Variants in NOL8 observed in about 807,000 individuals in gnomAD.
NOL8 encodes nucleolar protein 8, also known as nucleolar protein Nop132.
In NOL8, 93 loss-of-function variants were observed where a neutral mutation model predicts 116.1. That is an observed-to-expected ratio of 0.80 (90% confidence interval 0.68 to 0.95). NOL8 has a LOEUF of 0.95. NOL8 is among the 40% of genes least tolerant of loss of function. The pLI is 0.00. For synonymous variants in NOL8, 419 were observed against 469.0 expected, an observed-to-expected ratio of 0.89 and a Z score of 1.38; for missense variants, 1,291 against 1,382.8, an observed-to-expected ratio of 0.93 and a Z score of 1.05.
rs966937693 is a variant in NOL8 at position 92,306,781 on chromosome 9, G to C, written c.2825+105C>G. 6 of 1,037,594 alleles carry C rather than the reference G, an allele frequency of 5.8e-6. No individual in the cohort carries two copies. In the South Asian group the frequency reaches 8.5e-5, roughly 15 times the overall value. 64.3% of individuals were successfully genotyped at this position (1,037,594 alleles called of 1,614,324 possible). ...TTTAAGGGTCTGATACATATTGCCAGCTGCCTCCCCAGGCCATTAAAAGAG... is the reference window on the plus strand; with the variant it reads ...TTTAAGGGTCTGATACATATTGCCACCTGCCTCCCCAGGCCATTAAAAGAG... On this transcript the variant is annotated intron_variant, in intron 11 of 16. Coordinates refer to ENST00000442668, the MANE Select transcript of NOL8 (RefSeq NM_017948.6).
At chr9:92,318,715 T>G (rs369259325) in intron 5 of NOL8, 29 bp from the exon 6 acceptor site, 337 of 1,388,194 alleles carry the variant, frequency 2.4e-4, no homozygotes, top group Non-Finnish European at 3.1e-4. Flanking sequence ...ATTTATTTAC[T>G]ATATGTGACA....
chr9:92,319,250 C>T lies in NOL8; in HGVS notation c.388G>A (p.Val130Met), dbSNP rs1371384399. 9 of 1,584,292 alleles carry T rather than the reference C, an allele frequency of 5.7e-6. No individual in the cohort carries two copies. The highest frequency in any genetic ancestry group is 7.7e-6 in the Non-Finnish European group (9 of 1,168,456). ...TGCCCTGGCACTTCTGTCCCTGGCA[C>T]AGCTTTCATATGGAAATCCACTCCT... ...TGGVDFHMKA[V>M]PGTEVPGHKN... The change falls in exon 5 of 17, where the codon GTG becomes ATG. Residue 130 changes from valine (V) to methionine (M), a missense_variant. Coordinates refer to ENST00000442668, the MANE Select transcript of NOL8 (RefSeq NM_017948.6).
intron 10 of NOL8, among the ~76,000 whole-genome samples, chr9:92,309,549 G>A (rs1838576403): frequency 6.6e-6 from 1 of 152,048 alleles, no homozygotes; most frequent in African/African-American, 2.4e-5. Flanking sequence ...GAGGGAATTA[G>A]GGAGCTCATT....
At chr9:92,320,177 G>C (rs531134109) in intron 4 of NOL8, 84 of 455,890 alleles carry the variant, frequency 1.8e-4, no homozygotes, top group Non-Finnish European at 3.4e-4. Flanking sequence ...TCAAATCACC[G>C]CCACCTTCTT....
At chr9:92,302,517 A>T (rs2134089097) in intron 12 of NOL8, among the ~76,000 whole-genome samples, 1 of 152,346 alleles carries the variant, frequency 6.6e-6, no homozygotes, top group East Asian at 1.9e-4. Context: ...TAGAGACCAT[A>T]TCAAAGAGAG....
intron 5 of NOL8, chr9:92,318,950 C>G (rs780433078): frequency 5.8e-6 from 3 of 513,774 alleles, no homozygotes; most frequent in Non-Finnish European, 1.0e-5. Context: ...AACAGGCAAA[C>G]TTGGGACCTG....
In NOL8 at chr9:92,324,010, G is replaced by T; in HGVS notation, c.139+13C>A. On this transcript the variant is annotated intron_variant, in intron 2 of 16. Transcript: ENST00000442668. ...GTCTGCCTATAACTGCCCAGTGAAGGACCATAAATTACCTTGGTCATCTTT... is the reference window on the plus strand; with the variant it reads ...GTCTGCCTATAACTGCCCAGTGAAGTACCATAAATTACCTTGGTCATCTTT... 6.2e-7 allele frequency: 1 copy of T among 1,613,448 alleles called. No individual in the cohort carries two copies.
chr9:92,318,770 A>C, intron 5 of NOL8, 84 bp from the exon 6 acceptor site: 2 of 830,330 alleles, frequency 2.4e-6, no homozygotes, highest in South Asian at 1.8e-5. Flanking sequence ...ATACAACAAA[A>C]AAATCAGTGG....
Position 92,315,655 on chromosome 9 carries a change from G to T in NOL8, c.970C>A (p.Pro324Thr). ...KEENLQRTTQ[P>T]SINESESDPF... ...TCACTTTCAGATTCATTTATTGAGG[G>T]TTGTGTAGTTCTCTGTAAGTTTTCC... Residue 324 changes from proline to threonine, a missense_variant, in exon 7 of 17, where the codon CCC becomes ACC. Pro to Thr is a conservative substitution (Grantham distance 38). Transcript: ENST00000442668. The T allele has an allele frequency of 1.2e-6, 2 of 1,612,902 alleles. No individual in the cohort carries two copies. Among genetic ancestry groups the T allele is most frequent in the Non-Finnish European group, 1.7e-6 (2 of 1,179,386 alleles).
intron 11 of NOL8, among the ~76,000 whole-genome samples, 152 bp downstream of exon 11, chr9:92,306,734 C>T (rs892994831): frequency 2.6e-5 from 4 of 152,202 alleles, no homozygotes; most frequent in African/African-American, 4.8e-5. Flanking sequence ...AAGTGAATCA[C>T]TGGGTCAAAG....
At chr9:92,314,237 G>T (rs746625062) in intron 7 of NOL8, 30 bp downstream of exon 7, 1 of 1,520,240 alleles carries the variant, frequency 6.6e-7, no homozygotes, top group South Asian at 1.3e-5. Flanking sequence ...CTGAGTTCTT[G>T]TTAAATCCAT....
chr9:92,310,827 A>T, intron 8 of NOL8, 152 bp from the exon 9 acceptor site: 1 of 785,282 alleles, frequency 1.3e-6, no homozygotes, highest in South Asian at 2.0e-5. Context: ...TTCCTGACTC[A>T]GTGAAATCTA....
chr9:92,323,552 TC>T, intron 2 of NOL8, 49 bp from the exon 3 acceptor site: 1 of 1,477,296 alleles, frequency 6.8e-7, no homozygotes, highest in Non-Finnish European at 9.1e-7. Flanking sequence ...TAAATTCTTA[TC>T]CAGAGAGCAA....
chr9:92,318,640 A>T lies in NOL8; in HGVS notation c.464T>A (p.Leu155His). The part of the protein sequence containing the change: ...KFGRVLPVLH[L>H]KNQHKRKIIK... ...TATTTTACGTTTATGTTGATTTTTA[A>T]GGTGAAGAACAGGTAAGACTCTTCC... The change falls in exon 6 of 17, where the codon CTT (leucine) becomes CAT (histidine). Residue 155 changes from leucine to histidine, a missense_variant. Physicochemically the swap from Leu to His is moderately conservative, Grantham distance 99. Transcript: ENST00000442668. 1 of 1,603,056 alleles carries T rather than the reference A, an allele frequency of 6.2e-7. No individual in the cohort carries two copies. Among genetic ancestry groups the T allele is most frequent in the Admixed American group, 1.8e-5 (1 of 56,964 alleles).
In NOL8 at chr9:92,316,021, T is replaced by TAGAGTAAGG; in HGVS notation, c.603_604insCCTTACTCT (p.Pro201_Met202insProTyrSer). Reference sequence around the variant, plus strand: ...AACTCTCCTCGCCGTTTCTTACTCATAGGGTCATTCCCTCCTTCTAATTCC... The same window carrying TAGAGTAAGG: ...AACTCTCCTCGCCGTTTCTTACTCATAGAGTAAGGAGGGTCATTCCCTCCTTCTAATTCC... On this transcript the variant is annotated inframe_insertion, in exon 7 of 17. Transcript: ENST00000442668. The TAGAGTAAGG allele has an allele frequency of 6.2e-7, 1 of 1,614,012 alleles. No homozygotes were observed. Among genetic ancestry groups the TAGAGTAAGG allele is most frequent in the Non-Finnish European group, 8.5e-7 (1 of 1,179,888 alleles).
chr9:92,318,587 TA>T (rs781659501), intron 6 of NOL8, 30 bp downstream of exon 6: 3 of 1,448,906 alleles, frequency 2.1e-6, no homozygotes, highest in Non-Finnish European at 2.9e-6. Flanking sequence ...GTCACTGTGG[TA>T]AATAATTATG....
chr9:92,321,185 T>G (rs1214053219), intron 4 of NOL8, among the ~76,000 whole-genome samples: 2 of 152,166 alleles, frequency 1.3e-5, no homozygotes, highest in Non-Finnish European at 2.9e-5. Context: ...ATTCAGCAAC[T>G]CCATTTTCTG....
In NOL8 at chr9:92,314,391, G is replaced by A. The variant is rs373571114; in HGVS notation, c.2234C>T (p.Ser745Leu). 7.9e-5 allele frequency: 127 copies of A among 1,613,448 alleles called. No homozygotes were observed. The African/African-American group carries it at 1.0e-3, about 13-fold the overall frequency. Residue 745 changes from serine to leucine, a missense_variant, in exon 7 of 17, where the codon TCG (serine) becomes TTG (leucine). By Grantham distance (145) the Ser-to-Leu change is moderately radical. Transcript: ENST00000442668. ...CTTATCTTTAGCACTCACATCTGAC[G>A]AATTACTAATAGAAAGTGAGAAATC... ...KTDFSLSISN[S>L]SDVSAKDKHA... is the part of the protein sequence containing the mutation.
intron 4 of NOL8, 76 bp from the exon 5 acceptor site, chr9:92,319,432 G>A (rs1839732606): frequency 7.2e-7 from 1 of 1,385,034 alleles, no homozygotes; most frequent in Admixed American, 3.3e-5. Flanking sequence ...CTTTAGGTGT[G>A]CCTAAATGAG....
Sources: allele counts gnomAD v4.1 joint callset (sites outside exome capture counted in the v4.1 genomes callset), GRCh38; gene constraint gnomAD v4.1.1; transcripts MANE v1.5; gene names NCBI Gene and HGNC (gene_info 2026-07-23, HGNC 2026-07-21).